PLCL2: variants seen among roughly 807,000 people sequenced by gnomAD.
PLCL2 encodes the protein phospholipase C like 2, also known as inactive phospholipase C-like protein 2.
PLCL2 carries 4 observed loss-of-function variants against 79.6 expected under a neutral mutation model. The observed-to-expected ratio is 0.05, with a 90% CI of 0.02 to 0.11. The LOEUF (loss-of-function observed/expected upper bound fraction) is 0.11. PLCL2 is among the 10% of genes least tolerant of loss of function. PLCL2 has a pLI of 1.00. For synonymous variants in PLCL2, 484 were observed against 457.7 expected (o/e 1.06, Z -0.73); for missense variants, 895 against 1,291.0 (o/e 0.69, Z 4.70).
chr3:16,926,080 T>A (rs927064419), intron 1 of PLCL2, among the ~76,000 whole-genome samples: 2 of 152,190 alleles, frequency 1.3e-5, no homozygotes, highest in African/African-American at 4.8e-5. Context: ...GCAAGGAGAA[T>A]GTCTGCATGA....
At chr3:17,082,077 C>T (rs1194629973) in intron 5 of PLCL2, among the ~76,000 whole-genome samples, 1 of 150,542 alleles carries the variant, frequency 6.6e-6, no homozygotes, top group African/African-American at 2.4e-5. Flanking sequence ...TTGCTCTTTT[C>T]AAGTCTTTTG....
At chr3:17,076,396 C>T (rs1328374836) in intron 5 of PLCL2, among the ~76,000 whole-genome samples, 2 of 151,978 alleles carry the variant, frequency 1.3e-5, no homozygotes, top group African/African-American at 4.8e-5. Context: ...CTGTCTTACC[C>T]TTTCTACCAT....
At chr3:16,980,893 G>T (rs1191409286) in intron 1 of PLCL2, among the ~76,000 whole-genome samples, 1 of 152,244 alleles carries the variant, frequency 6.6e-6, no homozygotes, top group Non-Finnish European at 1.5e-5. Flanking sequence ...CGGCACCTCG[G>T]GAGGCCGAGG....
intron 4 of PLCL2, among the ~76,000 whole-genome samples, chr3:17,052,799 C>T (rs918527708): frequency 1.3e-5 from 2 of 152,248 alleles, no homozygotes; most frequent in African/African-American, 4.8e-5. Flanking sequence ...ATAGTAAATA[C>T]ATTTTCTCTT....
At chr3:16,957,014 G>T (rs1435114308) in intron 1 of PLCL2, among the ~76,000 whole-genome samples, 2 of 151,986 alleles carry the variant, frequency 1.3e-5, no homozygotes, top group African/African-American at 2.4e-5. Flanking sequence ...AGGGTTTTTT[G>T]TGTCTCTATT....
intron 1 of PLCL2, among the ~76,000 whole-genome samples, chr3:16,928,597 G>C (rs1423670029): frequency 6.6e-6 from 1 of 152,224 alleles, no homozygotes. Flanking sequence ...GCAGGGTTGA[G>C]GGCCTGGGCT....
intron 1 of PLCL2, among the ~76,000 whole-genome samples, chr3:16,902,970 C>T (rs1696663808): frequency 6.6e-6 from 1 of 151,870 alleles, no homozygotes; most frequent in African/African-American, 2.4e-5. Context: ...CTTTGAGTCT[C>T]TTACCATCAT....
intron 1 of PLCL2, among the ~76,000 whole-genome samples, chr3:16,915,327 T>G (rs1696968712): frequency 6.6e-6 from 1 of 152,222 alleles, no homozygotes; most frequent in Admixed American, 6.5e-5. Context: ...CAGTCTTTTT[T>G]ATTTTTAAGG....
intron 1 of PLCL2, among the ~76,000 whole-genome samples, chr3:16,967,543 G>A (rs143241752): frequency 6.6e-6 from 1 of 151,978 alleles, no homozygotes; most frequent in Non-Finnish European, 1.5e-5. Context: ...TCGTATGCTT[G>A]TTGGCCACCT....
At position 16,889,872 on chromosome 3, in the gene PLCL2, AT is replaced by A. The variant is rs11458984; in HGVS notation, c.327+4515del. 1.1e-3 allele frequency among the ~76,000 whole-genome samples: 160 copies of A among 151,498 alleles called. 1 individual carries two copies. Among genetic ancestry groups the A allele is most frequent in the African/African-American group, 3.7e-3 (151 of 41,348 alleles). On this transcript the variant is annotated intron_variant, in intron 1 of 5. Coordinates refer to ENST00000615277, the MANE Select transcript of PLCL2 (RefSeq NM_001144382.2). ...ATAATATCTGCGTTTGACTTTAGACATTTTTTTTTGAATGGGGGAAACAAAG... is the reference window on the plus strand; with the variant it reads ...ATAATATCTGCGTTTGACTTTAGACATTTTTTTTGAATGGGGGAAACAAAG...
chr3:16,943,614 A>G (rs1050623369), intron 1 of PLCL2, among the ~76,000 whole-genome samples: 35 of 152,190 alleles, frequency 2.3e-4, no homozygotes, highest in African/African-American at 8.4e-4. Flanking sequence ...GTCTATAGTC[A>G]TCTTTGTTTT....
intron 1 of PLCL2, among the ~76,000 whole-genome samples, chr3:16,921,739 G>A (rs752643557): frequency 3.2e-4 from 49 of 152,064 alleles, no homozygotes; most frequent in Non-Finnish European, 6.0e-4. Flanking sequence ...CTGAAGACAG[G>A]TGTAAATCAT....
intron 1 of PLCL2, among the ~76,000 whole-genome samples, chr3:16,971,237 G>A (rs2063864237): frequency 6.6e-6 from 1 of 151,858 alleles, no homozygotes; most frequent in African/African-American, 2.4e-5. Context: ...ATTAATTTTT[G>A]TATAAGGTGT....
At chr3:16,965,865 T>C (rs2124974236) in intron 1 of PLCL2, among the ~76,000 whole-genome samples, 1 of 152,160 alleles carries the variant, frequency 6.6e-6, no homozygotes, top group East Asian at 1.9e-4. Flanking sequence ...TTTTGCACAT[T>C]GATTTTGTAT....
chr3:16,933,101 A>T (rs184744100), intron 1 of PLCL2: 31 of 154,804 alleles, frequency 2.0e-4, no homozygotes, highest in African/African-American at 6.7e-4. Context: ...AAACGTACCT[A>T]AGTATTATTG....
chr3:16,918,602 A>G (rs935650010), intron 1 of PLCL2, among the ~76,000 whole-genome samples: 2 of 152,170 alleles, frequency 1.3e-5, no homozygotes, highest in Non-Finnish European at 1.5e-5. Context: ...CAATAGCTTC[A>G]TATTACCGTA....
Position 17,090,281 on chromosome 3 carries a change from A to G in PLCL2, c.*369A>G, listed in dbSNP as rs1166624140. 1.0e-5 allele frequency: 10 copies of G among 971,816 alleles called. No homozygotes were observed. Among genetic ancestry groups the G allele is most frequent in the Non-Finnish European group, 1.2e-5 (10 of 820,558 alleles). The allele number at this position is 971,816 out of a possible 1,614,324, so 60.2% of individuals were successfully genotyped here. A position where few individuals can be genotyped will look rare whatever the true frequency, so the allele number is the denominator to read the frequency against. Reference sequence around the variant, plus strand: ...ATTGTCAAATTATTATTTATTGGAGAAAAAAACCTGATCTACACATTTTTA... The same window carrying G: ...ATTGTCAAATTATTATTTATTGGAGGAAAAAACCTGATCTACACATTTTTA... On this transcript the variant is annotated 3_prime_UTR_variant, in exon 6 of 6. Transcript: ENST00000615277.
intron 4 of PLCL2, among the ~76,000 whole-genome samples, chr3:17,061,130 G>C (rs1045503115): frequency 1.3e-5 from 2 of 152,154 alleles, no homozygotes; most frequent in African/African-American, 2.4e-5. Context: ...TAGATTGGTA[G>C]AGAAAATCCC....
intron 1 of PLCL2, among the ~76,000 whole-genome samples, chr3:16,914,625 A>G (rs1319955487): frequency 6.6e-6 from 1 of 152,080 alleles, no homozygotes; most frequent in Non-Finnish European, 1.5e-5. Flanking sequence ...TGAAGTTAAA[A>G]TGAATGATTA....
Sources: allele counts gnomAD v4.1 joint callset (sites outside exome capture counted in the v4.1 genomes callset), GRCh38; gene constraint gnomAD v4.1.1; transcripts MANE v1.5; gene names NCBI Gene and HGNC (gene_info 2026-07-23, HGNC 2026-07-21).